The following SLC24A2 variants were observed in gnomAD, a reference collection of about 807,000 sequenced individuals.
The protein encoded by SLC24A2 is sodium/potassium/calcium exchanger 2.
In SLC24A2, 36 loss-of-function variants were observed where a neutral mutation model predicts 62.0. That is an observed-to-expected ratio of 0.58 (90% CI 0.44 to 0.77). The LOEUF is 0.77. SLC24A2 is among the 30% of genes least tolerant of loss of function. The pLI is 0.00. For missense variants in SLC24A2, 846 were observed against 817.9 expected (o/e 1.03, Z -0.42); for synonymous variants, 358 against 294.0 (o/e 1.22, Z -2.23).
At chr9:19,698,827 G>A (rs1397911657) in intron 2 of SLC24A2, among the ~76,000 whole-genome samples, 2 of 152,142 alleles carry the variant, frequency 1.3e-5, no homozygotes, top group Non-Finnish European at 2.9e-5. Flanking sequence ...CCTTTTGTAT[G>A]GGAATTGTAC....
the SLC24A2 span, among the ~76,000 whole-genome samples, chr9:20,073,714 A>G: frequency 6.6e-6 from 1 of 152,052 alleles, no homozygotes; most frequent in African/African-American, 2.4e-5. Context: ...ATAAAGTCTT[A>G]GGATCTTAAA....
chr9:19,713,368 C>G lies in SLC24A2; in HGVS notation c.930+72569G>C, dbSNP rs74953298. Among the ~76,000 whole-genome samples the G allele has an allele frequency of 7.8e-3, 1,195 of 152,286 alleles. 9 individuals are homozygous for G. Among genetic ancestry groups the G allele is most frequent in the African/African-American group, 0.027 (1,106 of 41,560 alleles). ...AAAATCTGTATTGGTTGTTATATAA[C>G]AATGATAAGGCTTTAGCACATTTTC... is the stretch of plus-strand genomic sequence containing the variant. On this transcript the variant is annotated intron_variant, in intron 2 of 10. Transcript: ENST00000341998.
At chr9:20,233,961 T>G in the SLC24A2 span, among the ~76,000 whole-genome samples, 122 of 152,342 alleles carry the variant, frequency 8.0e-4, no homozygotes, top group African/African-American at 5.5e-4. Context: ...GTCTGTAAAG[T>G]ATTTTATTTC....
At chr9:19,789,983 C>T (rs1823290740), upstream of SLC24A2, among the ~76,000 whole-genome samples, 1 of 152,178 alleles carries the variant, frequency 6.6e-6, no homozygotes. Flanking sequence ...TAGAGTACAG[C>T]TCTGTAGTCA....
chr9:20,304,182 T>C, the SLC24A2 span, among the ~76,000 whole-genome samples: 1 of 152,200 alleles, frequency 6.6e-6, no homozygotes, highest in Non-Finnish European at 1.5e-5. Context: ...TGCCTCAAGC[T>C]GGGTCTCTCC....
chr9:19,642,671 CTTTTTTTTTTTTT>C (rs71335440), intron 2 of SLC24A2, among the ~76,000 whole-genome samples: 14 of 79,852 alleles, frequency 1.8e-4, no homozygotes, highest in Admixed American at 1.1e-3. Flanking sequence ...AGAGCGTATT[CTTTTTTTTTTTTT>C]TTTTTTTTTT....
the SLC24A2 span, among the ~76,000 whole-genome samples, chr9:20,046,388 T>C: frequency 2.6e-5 from 4 of 152,238 alleles, no homozygotes; most frequent in Non-Finnish European, 5.9e-5. Context: ...AGGAAGCACT[T>C]AGGCAGACAA....
intron 3 of SLC24A2, among the ~76,000 whole-genome samples, chr9:19,621,153 C>G (rs1817899078): frequency 1.3e-5 from 2 of 152,226 alleles, no homozygotes; most frequent in Admixed American, 1.3e-4. Context: ...TGTTAACAAT[C>G]ATGGTCCACA....
chr9:20,118,891 A>G, the SLC24A2 span, among the ~76,000 whole-genome samples: 1 of 152,058 alleles, frequency 6.6e-6, no homozygotes, highest in African/African-American at 2.4e-5. Context: ...TCTAACCAAT[A>G]AAATATGTCA....
chr9:20,132,365 T>C, the SLC24A2 span, among the ~76,000 whole-genome samples: 4 of 152,118 alleles, frequency 2.6e-5, no homozygotes, highest in Admixed American at 6.6e-5. Context: ...TTTAAATGTG[T>C]TACTGTGATC....
the SLC24A2 span, among the ~76,000 whole-genome samples, chr9:20,161,254 C>T: frequency 6.6e-6 from 1 of 151,368 alleles, no homozygotes; most frequent in African/African-American, 2.4e-5. Context: ...TAAGCTATCT[C>T]ATCAAAATCA....
At chr9:20,142,590 A>G in the SLC24A2 span, among the ~76,000 whole-genome samples, 1 of 151,434 alleles carries the variant, frequency 6.6e-6, no homozygotes. Flanking sequence ...TTTAATTTTT[A>G]TTTTTATTTT....
intron 2 of SLC24A2, among the ~76,000 whole-genome samples, chr9:19,728,857 A>C (rs1021016167): frequency 6.6e-6 from 1 of 152,200 alleles, no homozygotes; most frequent in Non-Finnish European, 1.5e-5. Flanking sequence ...GTTTGCATTG[A>C]GGCTGAGACT....
chr9:20,214,166 G>A, the SLC24A2 span, among the ~76,000 whole-genome samples: 1 of 152,152 alleles, frequency 6.6e-6, no homozygotes, highest in Non-Finnish European at 1.5e-5. Flanking sequence ...AATGAACATA[G>A]TCAAATTCAC....
chr9:19,567,330 A>T (rs1835695325), intron 7 of SLC24A2, among the ~76,000 whole-genome samples: 1 of 151,862 alleles, frequency 6.6e-6, no homozygotes, highest in South Asian at 2.1e-4. Flanking sequence ...GTGGATCACC[A>T]GGTCAGGAGA....
chr9:20,024,942 T>C, the SLC24A2 span, among the ~76,000 whole-genome samples: 1 of 152,158 alleles, frequency 6.6e-6, no homozygotes, highest in Non-Finnish European at 1.5e-5. Context: ...CTGGTCATCT[T>C]CTTGTTCAAG....
chr9:20,101,703 G>A, the SLC24A2 span, among the ~76,000 whole-genome samples: 3 of 152,052 alleles, frequency 2.0e-5, no homozygotes, highest in Non-Finnish European at 4.4e-5. Context: ...CATTATAACT[G>A]CTGATGACTT....
the SLC24A2 span, among the ~76,000 whole-genome samples, chr9:19,994,452 G>A: frequency 1.3e-5 from 2 of 152,114 alleles, no homozygotes; most frequent in East Asian, 1.9e-4. Context: ...ACTGCCAATT[G>A]GTTTATGTCC....
At chr9:20,012,939 C>T in the SLC24A2 span, among the ~76,000 whole-genome samples, 41 of 151,400 alleles carry the variant, frequency 2.7e-4, no homozygotes, top group South Asian at 4.2e-4. Flanking sequence ...CCCATACTCA[C>T]GGATTAGAAA....
Sources: allele counts gnomAD v4.1 joint callset (sites outside exome capture counted in the v4.1 genomes callset), GRCh38; gene constraint gnomAD v4.1.1; transcripts MANE v1.5; gene names NCBI Gene and HGNC (gene_info 2026-07-23, HGNC 2026-07-21).